Variants in MORC2 observed in about 807,000 individuals in gnomAD.
MORC2 encodes the protein MORC family CW-type zinc finger 2.
Under a neutral mutation model 136.0 loss-of-function variants are expected in MORC2, and 30 were observed. The observed-to-expected ratio is 0.22, with a 90% confidence interval of 0.17 to 0.30. The LOEUF is 0.30. Ranked by LOEUF, MORC2 falls within the 10% of genes least tolerant of loss-of-function variation. The pLI is 1.00. For missense variants in MORC2, 922 were observed against 1,333.1 expected, an observed-to-expected ratio of 0.69 and a Z score of 4.80; for synonymous variants, 439 against 487.0, an observed-to-expected ratio of 0.90 and a Z score of 1.30.
chr22:30,930,418 C>T (rs1164206713), intron 24 of MORC2, among the ~76,000 whole-genome samples: 2 of 152,198 alleles, frequency 1.3e-5, no homozygotes, highest in African/African-American at 4.8e-5. Context: ...GTGATTTCTG[C>T]ACCTTCTAGC....
chr22:30,949,392 G>A (rs1385617787), intron 5 of MORC2, among the ~76,000 whole-genome samples: 2 of 152,192 alleles, frequency 1.3e-5, no homozygotes, highest in Non-Finnish European at 2.9e-5. Context: ...TGCACAGTAA[G>A]GTGACCCCTT....
At chr22:30,952,795 C>T (rs2040910369) in intron 3 of MORC2, among the ~76,000 whole-genome samples, 1 of 152,238 alleles carries the variant, frequency 6.6e-6, no homozygotes, top group Non-Finnish European at 1.5e-5. Flanking sequence ...GTGAACAGTA[C>T]ATATGCGATC....
At chr22:30,945,131 C>T (rs1320419847) in intron 6 of MORC2, among the ~76,000 whole-genome samples, 1 of 152,232 alleles carries the variant, frequency 6.6e-6, no homozygotes. Flanking sequence ...CTTCCATACC[C>T]TCCTGTCACC....
chr22:30,967,722 C>A, intron 1 of MORC2, 100 bp downstream of exon 1: 1 of 1,528,350 alleles, frequency 6.5e-7, no homozygotes. Context: ...TGGGATACAT[C>A]TCAAAAAGTG....
chr22:30,938,316 T>C, intron 12 of MORC2, 111 bp from the exon 13 acceptor site: 1 of 1,261,220 alleles, frequency 7.9e-7, no homozygotes, highest in Admixed American at 2.3e-5. Flanking sequence ...GCCAAAAGTT[T>C]TGTATCTCTA....
intron 1 of MORC2, 26 bp from the exon 2 acceptor site, chr22:30,958,720 G>A: frequency 6.6e-7 from 1 of 1,516,522 alleles, no homozygotes; most frequent in Non-Finnish European, 8.9e-7. Context: ...CTAAAAGTCA[G>A]CAAAAGAATT....
Position 30,932,292 on chromosome 22 carries a change from T to TA in MORC2, c.2841+66dup. 1 of 1,332,388 alleles carries TA rather than the reference T, an allele frequency of 7.5e-7. No individual in the cohort carries two copies. Among genetic ancestry groups the TA allele is most frequent in the Non-Finnish European group, 1.1e-6 (1 of 945,904 alleles). 82.5% of individuals were successfully genotyped at this position (1,332,388 alleles called of 1,614,324 possible). A position where few individuals can be genotyped will look rare whatever the true frequency, so the allele number is the denominator to read the frequency against. ...GCGTAACAATCATAATCACAACAGT[T>TA]ACAACAAATGCAGGGGCAGGGGTGG... is the stretch of plus-strand genomic sequence containing the variant. On this transcript the variant is annotated intron_variant, in intron 24 of 25. Coordinates refer to ENST00000397641, the MANE Select transcript of MORC2 (RefSeq NM_001303256.3). The surrounding 1 kb of genome is among the most constrained non-coding windows in gnomAD (Gnocchi z 4.4).
At chr22:30,955,869 G>C (rs1421578669) in intron 3 of MORC2, among the ~76,000 whole-genome samples, 1 of 152,024 alleles carries the variant, frequency 6.6e-6, no homozygotes, top group Non-Finnish European at 1.5e-5. Flanking sequence ...AATTAGCCGG[G>C]TGTGGTGGTG....
chr22:30,968,213 C>T lies in MORC2; in HGVS notation c.-324G>A, dbSNP rs115063153. On this transcript the variant is annotated 5_prime_UTR_variant, in exon 1 of 26. Transcript: ENST00000397641. ...CAATCTGAGTCTCGTGTGGATGGTC[C>T]TGAAGGAGATGGTCCTTGAGTGGGT... 2.6e-3 allele frequency: 632 copies of T among 247,456 alleles called. 2 individuals carry two copies. Among genetic ancestry groups the T allele is most frequent in the African/African-American group, 0.014 (602 of 43,696 alleles). 15.3% of individuals were successfully genotyped at this position (247,456 alleles called of 1,614,324 possible).
chr22:30,958,895 C>G, intron 1 of MORC2: 1 of 503,246 alleles, frequency 2.0e-6, no homozygotes, highest in Non-Finnish European at 3.5e-6. Flanking sequence ...GCCATCTATT[C>G]AGAAATGATT....
rs2040475489 is a variant in MORC2 at position 30,925,874 on chromosome 22, A to T, written c.*929T>A. On this transcript the variant is annotated 3_prime_UTR_variant, in exon 26 of 26. Transcript: ENST00000397641. ...GATCTCACTGGCCCCCTCTTCAGGC[A>T]CCTTGATGGGGCTCAGTGGGGCCAG... 6.5e-6 allele frequency: 1 copy of T among 153,338 alleles called. No individual in the cohort carries two copies. Among genetic ancestry groups the T allele is most frequent in the Non-Finnish European group, 1.5e-5 (1 of 68,088 alleles). The allele number at this position is 153,338 out of a possible 1,614,324, so 9.5% of individuals were successfully genotyped here.
At position 30,968,084 on chromosome 22, in the gene MORC2, T is replaced by A. The variant is rs1464483027; in HGVS notation, c.-195A>T. 6 of 562,090 alleles carry A rather than the reference T, an allele frequency of 1.1e-5. No individual in the cohort carries two copies. The highest frequency in any genetic ancestry group is 6.1e-5 in the East Asian group (2 of 32,656). The allele number at this position is 562,090 out of a possible 1,614,324, so 34.8% of individuals were successfully genotyped here. On this transcript the variant is annotated 5_prime_UTR_variant, in exon 1 of 26. Transcript: ENST00000397641. Reference sequence around the variant, plus strand: ...TACAATTTCTTCAAGTGTTTTTTTTTAATCTTCTCAATGATTTATGATGTA... The same window carrying A: ...TACAATTTCTTCAAGTGTTTTTTTTAAATCTTCTCAATGATTTATGATGTA...
rs1338741504 is a variant in MORC2 at position 30,941,547 on chromosome 22, C to T, written c.710G>A (p.Arg237Gln). 2 of 1,613,320 alleles carry T rather than the reference C, an allele frequency of 1.2e-6. No homozygotes were observed. The highest frequency in any genetic ancestry group is 1.1e-5 in the South Asian group (1 of 91,062). Residue 237 changes from arginine (R) to glutamine (Q), a missense_variant, in exon 9 of 26, where the codon CGG becomes CAG. Arg to Gln is a conservative substitution (Grantham distance 43). This residue lies in a region of MORC2 where 261 missense variants were observed against 354.3 expected (regional missense o/e 0.74). Transcript: ENST00000397641. This position sits in a 1 kb window ranked among gnomAD's most constrained non-coding sequence, Gnocchi z 4.6. The stretch of plus-strand genomic sequence containing the variant: ...AGCGGCATAGGCACGGAACGAGCGC[C>T]GCTCTGGCTTCCTGGAGAGGGCAAA... The part of the protein sequence containing the change: ...ETSPEGTKPE[R>Q]RSFRAYAAVL...
In MORC2 at chr22:30,941,797, G is replaced by A; in HGVS notation, c.698+94C>T. 8.1e-7 allele frequency: 1 copy of A among 1,240,342 alleles called. No homozygotes were observed. 76.8% of individuals were successfully genotyped at this position (1,240,342 alleles called of 1,614,324 possible). The stretch of plus-strand genomic sequence containing the variant: ...ATACTACCCTACCACAGAACACTGG[G>A]CAATGAATGTGCTCTCCCCTCTTTC... On this transcript the variant is annotated intron_variant, in intron 8 of 25. Coordinates refer to ENST00000397641, the MANE Select transcript of MORC2 (RefSeq NM_001303256.3). This position sits in a 1 kb window ranked among gnomAD's most constrained non-coding sequence, Gnocchi z 4.6.
At chr22:30,950,338 C>CGGGGGGGCG in intron 4 of MORC2, 39 bp downstream of exon 4, 1 of 695,190 alleles carries the variant, frequency 1.4e-6, no homozygotes, top group Non-Finnish European at 2.6e-6. Context: ...GGTTACATCG[C>CGGGGGGGCG]ACCCCCCCAC....
In MORC2 at chr22:30,925,420, T is replaced by A. The variant is rs569832692; in HGVS notation, c.*1383A>T. ...ACAGGCCTCTCCTAGAGATGTAGTC[T>A]GGGAAGGTCCAAAACCCACCAGACA... On this transcript the variant is annotated 3_prime_UTR_variant, in exon 26 of 26. Coordinates refer to ENST00000397641, the MANE Select transcript of MORC2 (RefSeq NM_001303256.3). 11 of 170,042 alleles carry A rather than the reference T, an allele frequency of 6.5e-5. No individual in the cohort carries two copies. The highest frequency in any genetic ancestry group is 3.0e-3 in the Middle Eastern group (1 of 336). The allele number at this position is 170,042 out of a possible 1,614,324, so 10.5% of individuals were successfully genotyped here. A position where few individuals can be genotyped will look rare whatever the true frequency, so the allele number is the denominator to read the frequency against.
In MORC2 at chr22:30,935,131, A is replaced by G; in HGVS notation, c.1843T>C (p.Ser615Pro). 1 of 1,613,418 alleles carries G rather than the reference A, an allele frequency of 6.2e-7. No individual in the cohort carries two copies. ...CTGATCACAGCAGGTAAAGGGGGCGACCGAGGACGCTGAGGTCTACGCACA... is the reference window on the plus strand; with the variant it reads ...CTGATCACAGCAGGTAAAGGGGGCGGCCGAGGACGCTGAGGTCTACGCACA... ...EPVRRPQRPR[S>P]PPLPAVIRNA... Residue 615 changes from serine (S) to proline (P), a missense_variant, in exon 19 of 26, where the codon TCG becomes CCG. Physicochemically the swap from Ser to Pro is moderately conservative, Grantham distance 74. Transcript: ENST00000397641.
At chr22:30,936,684 C>A in intron 16 of MORC2, 41 bp from the exon 17 acceptor site, 1 of 1,600,800 alleles carries the variant, frequency 6.2e-7, no homozygotes. Context: ...GCAAACAGAG[C>A]GCCAAGCTCG....
At chr22:30,966,902 A>T (rs151326481) in intron 1 of MORC2, among the ~76,000 whole-genome samples, 1 of 152,322 alleles carries the variant, frequency 6.6e-6, no homozygotes, top group African/African-American at 2.4e-5. Context: ...AGACATTATG[A>T]TATCACAAAC....
Sources: allele counts gnomAD v4.1 joint callset (sites outside exome capture counted in the v4.1 genomes callset), GRCh38; gene constraint gnomAD v4.1.1; regional missense constraint gnomAD v4.1.1; non-coding constraint Gnocchi (gnomAD v3.1); transcripts MANE v1.5; gene names NCBI Gene and HGNC (gene_info 2026-07-23, HGNC 2026-07-21).